The following HR variants were observed in gnomAD, a reference collection of about 807,000 sequenced individuals.
HR encodes lysine-specific demethylase hairless.
Under a neutral mutation model 128.6 loss-of-function variants are expected in HR, and 83 were observed. That is an observed-to-expected ratio of 0.65 (90% CI 0.54 to 0.77). The LOEUF (loss-of-function observed/expected upper bound fraction) is 0.77, where lower values mean the gene tolerates loss of function less well. Among genes scored for constraint, HR ranks in the 30% least tolerant of loss-of-function variants. The pLI, the probability that HR is intolerant of heterozygous loss-of-function variation, is 0.00. For synonymous variants in HR, 681 were observed against 658.2 expected (o/e 1.03, Z -0.53); for missense variants, 1,490 against 1,574.6 (o/e 0.95, Z 0.91).
intron 6 of HR, 32 bp downstream of exon 6, chr8:22,123,617 T>TGTCCCCC: frequency 3.4e-6 from 1 of 292,092 alleles, no homozygotes; most frequent in South Asian, 3.0e-5. Context: ...GAGGGCTCCA[T>TGTCCCCC]CCCGCCCTCC....
Position 22,129,226 on chromosome 8 carries a change from C to G in HR, c.-40-16G>C. 1 of 1,510,114 alleles carries G rather than the reference C, an allele frequency of 6.6e-7. No individual in the cohort carries two copies. Among genetic ancestry groups the G allele is most frequent in the Non-Finnish European group, 8.8e-7 (1 of 1,132,594 alleles). 93.5% of individuals were successfully genotyped at this position (1,510,114 alleles called of 1,614,324 possible). ...AGGGGGGTCCCTGGAGCATAACCAT[C>G]AAAGCATGAGCTTCTGGGGCACATG... On this transcript the variant is annotated splice_polypyrimidine_tract_variant and intron_variant, in intron 1 of 18. Coordinates refer to ENST00000381418, the MANE Select transcript of HR (RefSeq NM_005144.5).
rs1826584562 is a variant in HR, at chr8:22,116,301, T to A, written c.3506A>T (p.Gln1169Leu). The change falls in exon 18 of 19, where the codon CAG becomes CTG. Residue 1169 changes from glutamine to leucine, a missense_variant and splice_region_variant. By Grantham distance (113) the Gln-to-Leu change is moderately radical. Coordinates refer to ENST00000381418, the MANE Select transcript of HR (RefSeq NM_005144.5). The surrounding 1 kb of genome is among the most constrained non-coding windows in gnomAD (Gnocchi z 4.2). ...LPPDCHLLYA[Q>L]MDWAVFQAVK... ...CCTGCTGGCCCACATCCCACTCACC[T>A]GGGCATAAAGCAGGTGGCAGTCAGG... The A allele has an allele frequency of 6.2e-7, 1 of 1,612,106 alleles. No homozygotes were observed. Among genetic ancestry groups the A allele is most frequent in the African/African-American group, 1.3e-5 (1 of 75,006 alleles).
Position 22,116,150 on chromosome 8 carries a change from A to G in HR, c.3507+150T>C. 2 of 1,120,294 alleles carry G rather than the reference A, an allele frequency of 1.8e-6. No homozygotes were observed. The highest frequency in any genetic ancestry group is 3.0e-5 in the South Asian group (2 of 67,528). 69.4% of individuals were successfully genotyped at this position (1,120,294 alleles called of 1,614,324 possible). ...ACTCCATCTCAAAAAACAAAATGAA[A>G]CAAACTAAACAAAAGGAATACTCTG... On this transcript the variant is annotated intron_variant, in intron 18 of 18. Coordinates refer to ENST00000381418, the MANE Select transcript of HR (RefSeq NM_005144.5). The surrounding 1 kb of genome is among the most constrained non-coding windows in gnomAD (Gnocchi z 4.2).
intron 6 of HR, among the ~76,000 whole-genome samples, chr8:22,123,428 C>T (rs1224985762): frequency 6.6e-6 from 1 of 152,232 alleles, no homozygotes; most frequent in Non-Finnish European, 1.5e-5. Context: ...CGAGTGGGCA[C>T]ACTCGCCTTT....
At chr8:22,117,170 G>A in intron 16 of HR, 131 bp from the exon 17 acceptor site, 1 of 936,008 alleles carries the variant, frequency 1.1e-6, no homozygotes, top group African/African-American at 1.7e-5. Context: ...AGGGCAGGCA[G>A]GGAGGGCATG....
At chr8:22,124,337 C>T (rs1347472964) in intron 5 of HR, among the ~76,000 whole-genome samples, 1 of 152,236 alleles carries the variant, frequency 6.6e-6, no homozygotes, top group Non-Finnish European at 1.5e-5. Context: ...TCAAGTGATC[C>T]TCCCACCTCG....
chr8:22,124,933 C>G (rs1180420313), intron 5 of HR, among the ~76,000 whole-genome samples: 4 of 152,128 alleles, frequency 2.6e-5, no homozygotes, highest in Non-Finnish European at 5.9e-5. Flanking sequence ...TGACCAGCAG[C>G]CTTTGGTCAT....
intron 8 of HR, among the ~76,000 whole-genome samples, 171 bp downstream of exon 8, chr8:22,122,322 G>A (rs1826774140): frequency 6.6e-6 from 1 of 152,138 alleles, no homozygotes; most frequent in African/African-American, 2.4e-5. Flanking sequence ...GGAGGTGGGA[G>A]GGGCCAGCGC....
chr8:22,120,101 C>G lies in HR; in HGVS notation c.2846+3G>C. 1 of 1,584,228 alleles carries G rather than the reference C, an allele frequency of 6.3e-7. No homozygotes were observed. Among genetic ancestry groups the G allele is most frequent in the Non-Finnish European group, 8.6e-7 (1 of 1,165,946 alleles). ...TAGGGCTGGCCCTTGGTGACATACACACCTGCTGGTGTCCTCATCCCCCAA... is the reference window on the plus strand; with the variant it reads ...TAGGGCTGGCCCTTGGTGACATACAGACCTGCTGGTGTCCTCATCCCCCAA... On this transcript the variant is annotated splice_donor_region_variant and intron_variant, in intron 13 of 18. Transcript: ENST00000381418.
At chr8:22,127,002 C>T in intron 3 of HR, 35 bp downstream of exon 3, 1 of 1,593,230 alleles carries the variant, frequency 6.3e-7, no homozygotes, top group Non-Finnish European at 8.6e-7. Context: ...TGCCCCCTCC[C>T]ACGCAGGGCC....
At chr8:22,123,958 C>A in intron 5 of HR, 145 bp from the exon 6 acceptor site, 1 of 900,612 alleles carries the variant, frequency 1.1e-6, no homozygotes, top group Non-Finnish European at 1.8e-6. Flanking sequence ...GGAGACAGGC[C>A]CCTCGACAGC....
At position 22,120,803 on chromosome 8, in the gene HR, G is replaced by A. The variant is rs1300901185; in HGVS notation, c.2523C>T (p.Pro841=). 2 of 1,545,420 alleles carry A rather than the reference G, an allele frequency of 1.3e-6. No individual in the cohort carries two copies. The highest frequency in any genetic ancestry group is 8.7e-7 in the Non-Finnish European group (1 of 1,143,344). ...CCTGCAGCCACAGCAAAGCCCCTGGGGGAGGCAGCCGGGGCCGCACTGGAG... is the reference window on the plus strand; with the variant it reads ...CCTGCAGCCACAGCAAAGCCCCTGGAGGAGGCAGCCGGGGCCGCACTGGAG... The part of the protein sequence containing the change: ...PLSPVRPRLP[P]PGALLWLQEP... The change falls in exon 11 of 19, where the codon CCC becomes CCT. Residue 841 remains proline, a synonymous_variant. Transcript: ENST00000381418.
Position 22,125,341 on chromosome 8 carries a change from G to T in HR, c.1720C>A (p.Arg574=), listed in dbSNP as rs1015585608. 1 of 1,595,870 alleles carries T rather than the reference G, an allele frequency of 6.3e-7. No homozygotes were observed. Among genetic ancestry groups the T allele is most frequent in the Non-Finnish European group, 8.5e-7 (1 of 1,172,152 alleles). Residue 574 remains arginine, a synonymous_variant, in exon 5 of 19, where the codon CGG becomes AGG. Transcript: ENST00000381418. ...CGCTGGGCCCAAGCCAGGGCCTCCCGCTCCCTCCGCAGCAGGCGGCACAGT... is the reference window on the plus strand; with the variant it reads ...CGCTGGGCCCAAGCCAGGGCCTCCCTCTCCCTCCGCAGCAGGCGGCACAGT... ...DRLCRLLRRE[R]EALAWAQREG...
chr8:22,123,925 T>G lies in HR; in HGVS notation c.1751-112A>C. The G allele has an allele frequency of 1.6e-5, 20 of 1,258,910 alleles. No homozygotes were observed. The South Asian group carries it at 2.6e-4, about 16-fold the overall frequency. The allele number at this position is 1,258,910 out of a possible 1,614,324, so 78.0% of individuals were successfully genotyped here. A position where few individuals can be genotyped will look rare whatever the true frequency, so the allele number is the denominator to read the frequency against. On this transcript the variant is annotated intron_variant, in intron 5 of 18. Transcript: ENST00000381418. ...CAGGAGAAGCAAGGAGCAGCTTCCA[T>G]GGAGAGGGCCCCCCCAGGGAAGGGA...
At chr8:22,130,135 G>C (rs952897029) in intron 1 of HR, among the ~76,000 whole-genome samples, 2 of 152,246 alleles carry the variant, frequency 1.3e-5, no homozygotes, top group African/African-American at 4.8e-5. Context: ...GCGTGCAAGG[G>C]ACCAGGATGA....
Position 22,127,590 on chromosome 8 carries a change from T to C in HR, c.852A>G (p.Pro284=). Residue 284 remains proline (P), a synonymous_variant, in exon 3 of 19, where the codon CCA becomes CCG. Transcript: ENST00000381418. ...CGTTGCCAAGAGTATGAACAAGGCCTGGGGGACAAGCGGGCCAGGAGGTCC... is the reference window on the plus strand; with the variant it reads ...CGTTGCCAAGAGTATGAACAAGGCCCGGGGGACAAGCGGGCCAGGAGGTCC... ...VPWTSWPACP[P]GLVHTLGNVW... is the part of the protein sequence containing the mutation. 2 of 1,612,230 alleles carry C rather than the reference T, an allele frequency of 1.2e-6. No individual in the cohort carries two copies. Among genetic ancestry groups the C allele is most frequent in the Non-Finnish European group, 1.7e-6 (2 of 1,179,788 alleles).
In HR at chr8:22,128,349, C is replaced by T; in HGVS notation, c.612+210G>A. On this transcript the variant is annotated intron_variant, in intron 2 of 18. Coordinates refer to ENST00000381418, the MANE Select transcript of HR (RefSeq NM_005144.5). ...ATGGGTGAGTCAGTGGCTGCAATGACCCGAGGGCAGGGGAGGCCTAGAGAG... is the reference window on the plus strand; with the variant it reads ...ATGGGTGAGTCAGTGGCTGCAATGATCCGAGGGCAGGGGAGGCCTAGAGAG... 6 of 662,230 alleles carry T rather than the reference C, an allele frequency of 9.1e-6. 1 individual carries two copies. The South Asian group carries it at 1.1e-4, about 12-fold the overall frequency. The allele number at this position is 662,230 out of a possible 1,614,324, so 41.0% of individuals were successfully genotyped here. A position where few individuals can be genotyped will look rare whatever the true frequency, so the allele number is the denominator to read the frequency against.
At chr8:22,117,946 C>G (rs796690781) in intron 16 of HR, 4 of 152,296 alleles carry the variant, frequency 2.6e-5, no homozygotes, top group African/African-American at 7.2e-5. Flanking sequence ...GCAGTGTTTC[C>G]CAGGCCACCC....
chr8:22,122,591 T>C lies in HR; in HGVS notation c.2023A>G (p.Thr675Ala). ...TTGACCCAGACCTGGTGCATTGCAG[T>C]GCTCAGCTCTGCCAAAGCTGGGGGT... ...VSSQALAELS[T>A]AMHQVWVKFD... is the part of the protein sequence containing the mutation. The change falls in exon 8 of 19, where the codon ACT (threonine) becomes GCT (alanine). Residue 675 changes from threonine (T) to alanine (A), a missense_variant. Thr to Ala is a moderately conservative substitution (Grantham distance 58). This residue lies in a region of HR where 1,060 missense variants were observed against 1,060.9 expected (regional missense o/e 1.00). Transcript: ENST00000381418. The C allele has an allele frequency of 1.2e-6, 2 of 1,609,462 alleles. No individual in the cohort carries two copies. Among genetic ancestry groups the C allele is most frequent in the Non-Finnish European group, 1.7e-6 (2 of 1,178,026 alleles).
Sources: allele counts gnomAD v4.1 joint callset (sites outside exome capture counted in the v4.1 genomes callset), GRCh38; gene constraint gnomAD v4.1.1; regional missense constraint gnomAD v4.1.1; non-coding constraint Gnocchi (gnomAD v3.1); transcripts MANE v1.5; gene names NCBI Gene and HGNC (gene_info 2026-07-23, HGNC 2026-07-21).